PHACTR2: variants seen among roughly 807,000 people sequenced by gnomAD.
PHACTR2 encodes the protein chromosome 6 open reading frame 56.
PHACTR2 carries 30 observed loss-of-function variants against 76.0 expected under a neutral mutation model. That is an observed-to-expected ratio of 0.39 (90% CI 0.30 to 0.54). The LOEUF (loss-of-function observed/expected upper bound fraction) is 0.54, where lower values mean the gene tolerates loss of function less well. Among genes scored for constraint, PHACTR2 ranks in the 20% least tolerant of loss-of-function variants. The pLI is 0.61. For synonymous variants in PHACTR2, 292 were observed against 292.5 expected (o/e 1.00, Z 0.02); for missense variants, 696 against 781.1 (o/e 0.89, Z 1.30).
intron 1 of PHACTR2, among the ~76,000 whole-genome samples, chr6:143,577,399 C>G (rs555900065): frequency 7.8e-4 from 118 of 152,070 alleles, no homozygotes; most frequent in Non-Finnish European, 1.3e-3. Flanking sequence ...GAGAGAAGGA[C>G]CCTAGCAGTT....
intron 1 of PHACTR2, among the ~76,000 whole-genome samples, chr6:143,690,685 T>C (rs1777624082): frequency 6.6e-6 from 1 of 152,210 alleles, no homozygotes; most frequent in South Asian, 2.1e-4. Context: ...TTTTAACTGA[T>C]TTCAAAAGAC....
chr6:143,785,596 C>A (rs892106714), intron 10 of PHACTR2, among the ~76,000 whole-genome samples: 2 of 152,312 alleles, frequency 1.3e-5, no homozygotes, highest in East Asian at 1.9e-4. Flanking sequence ...GGGTTCCAAC[C>A]CCACATTTCC....
At position 143,595,727 on chromosome 6, in the gene PHACTR2, G is replaced by T. The variant is rs1005570920; in HGVS notation, c.217+58520G>T. Among the ~76,000 whole-genome samples, 1 of 152,138 alleles carries T rather than the reference G, an allele frequency of 6.6e-6. No homozygotes were observed. The highest frequency in any genetic ancestry group is 1.5e-5 in the Non-Finnish European group (1 of 68,020). On this transcript the variant is annotated intron_variant, in intron 1 of 11. Transcript: ENST00000367584. This position sits in a 1 kb window ranked among gnomAD's most constrained non-coding sequence, Gnocchi z 4.2. ...GAAGAGGACTAGAGGTGGTTTTGTT[G>T]TTGTTTTTAAAGAGAGAAAAAAGTG...
Position 143,578,642 on chromosome 6 carries a change from GGAT to G in PHACTR2, c.217+41438_217+41440del, listed in dbSNP as rs1353208450. Reference sequence around the variant, plus strand: ...GTGGAGGGCCTGGACAATGAGGAGAGGATGAGGAGGAGGAGGAGGAGGAAGGAG... The same window carrying G: ...GTGGAGGGCCTGGACAATGAGGAGAGGAGGAGGAGGAGGAGGAGGAAGGAG... On this transcript the variant is annotated intron_variant, in intron 1 of 11. Coordinates refer to the PHACTR2 transcript ENST00000367584. This position sits in a 1 kb window ranked among gnomAD's most constrained non-coding sequence, Gnocchi z 4.5. Among the ~76,000 whole-genome samples, 1 of 151,952 alleles carries G rather than the reference GGAT, an allele frequency of 6.6e-6. No individual in the cohort carries two copies. The highest frequency in any genetic ancestry group is 1.9e-4 in the East Asian group (1 of 5,162).
intron 2 of PHACTR2, among the ~76,000 whole-genome samples, chr6:143,747,779 CA>C (rs779201191): frequency 6.6e-6 from 1 of 152,186 alleles, no homozygotes; most frequent in Non-Finnish European, 1.5e-5. Flanking sequence ...TTCTGCAGAA[CA>C]CGCTTTGGGA....
Position 143,653,179 on chromosome 6 carries a change from C to T in PHACTR2, c.13+44857C>T, listed in dbSNP as rs1406595886. 3.9e-5 allele frequency among the ~76,000 whole-genome samples: 6 copies of T among 152,148 alleles called. No homozygotes were observed. Among genetic ancestry groups the T allele is most frequent in the Non-Finnish European group, 7.3e-5 (5 of 68,028 alleles). ...TTGGCCCTCTGGAAACAAGGCCAGT[C>T]GCAAGACACGTCAGGAAGCAATTTG... is the stretch of plus-strand genomic sequence containing the variant. On this transcript the variant is annotated intron_variant, in intron 1 of 11. Coordinates refer to the PHACTR2 transcript ENST00000305766. The surrounding 1 kb of genome is among the most constrained non-coding windows in gnomAD (Gnocchi z 4.9).
chr6:143,712,128 G>A lies in PHACTR2; in HGVS notation c.159G>A (p.Lys53=). The change falls in exon 2 of 13, where the codon AAG becomes AAA. Residue 53 remains lysine (K), a synonymous_variant. Coordinates refer to ENST00000440869, the MANE Select transcript of PHACTR2 (RefSeq NM_001100164.2). The part of the protein sequence containing the change: ...GKLSTIGKIF[K]PWKWRKKKTS... ...TATCCACCATTGGTAAAATCTTTAA[G>A]CCTTGGAAATGGAGGAAAAAGAAGA... 6.3e-7 allele frequency: 1 copy of A among 1,579,798 alleles called. No homozygotes were observed. Among genetic ancestry groups the A allele is most frequent in the Non-Finnish European group, 8.6e-7 (1 of 1,166,726 alleles).
rs1317705777 is a variant in PHACTR2 at position 143,764,191 on chromosome 6, A to G, written c.695-1070A>G. Among the ~76,000 whole-genome samples the G allele has an allele frequency of 6.6e-6, 1 of 152,160 alleles. No individual in the cohort carries two copies. Among genetic ancestry groups the G allele is most frequent in the African/African-American group, 2.4e-5 (1 of 41,436 alleles). On this transcript the variant is annotated intron_variant, in intron 5 of 12. Transcript: ENST00000440869. This position sits in a 1 kb window ranked among gnomAD's most constrained non-coding sequence, Gnocchi z 4.7. The stretch of plus-strand genomic sequence containing the variant: ...GAAGGTGGAGTCAGAAGACCTGAGA[A>G]TGATATCCTTTCCATTCACATTATT...
rs1582671599 is a variant in PHACTR2, at chr6:143,561,184, A to T, written c.217+23977A>T. ...GCACTGACCTTCTGACCTTGGCGGG[A>T]TGCTTGAACCATTCTGCCCTTTCAG... On this transcript the variant is annotated intron_variant, in intron 1 of 11. Transcript: ENST00000367584. This position sits in a 1 kb window ranked among gnomAD's most constrained non-coding sequence, Gnocchi z 4.1. The T allele has an allele frequency of 2.6e-5, 4 of 152,408 alleles. No individual in the cohort carries two copies. The highest frequency in any genetic ancestry group is 2.6e-4 in the Admixed American group (4 of 15,296). The allele number at this position is 152,408 out of a possible 1,614,324, so 9.4% of individuals were successfully genotyped here. A position where few individuals can be genotyped will look rare whatever the true frequency, so the allele number is the denominator to read the frequency against.
Position 143,765,796 on chromosome 6 carries a change from A to C in PHACTR2, c.1230A>C (p.Lys410Asn). ...TAAGTGTTAACAGAGAAAATGCAAA[A>C]TGGTGAGTTGGGGAACAAACCCCCT... ...TGLSVNRENA[K>N]CFTTKEELGK... is the part of the protein sequence containing the mutation. Residue 410 changes from lysine (K) to asparagine (N), a missense_variant and splice_region_variant, in exon 6 of 13, where the codon AAA becomes AAC. By Grantham distance (94) the Lys-to-Asn change is moderately conservative. Around this residue, in one of 2 missense-constraint regions of PHACTR2, gnomAD observed 236 missense variants for 330.2 expected, o/e 0.71. Coordinates refer to ENST00000440869, the MANE Select transcript of PHACTR2 (RefSeq NM_001100164.2). This position sits in a 1 kb window ranked among gnomAD's most constrained non-coding sequence, Gnocchi z 4.1. 6.2e-7 allele frequency: 1 copy of C among 1,605,020 alleles called. No individual in the cohort carries two copies. The highest frequency in any genetic ancestry group is 8.5e-7 in the Non-Finnish European group (1 of 1,172,746).
At position 143,550,482 on chromosome 6, in the gene PHACTR2, T is replaced by A. The variant is rs954655787; in HGVS notation, c.217+13275T>A. On this transcript the variant is annotated intron_variant, in intron 1 of 11. Transcript: ENST00000367584. This position sits in a 1 kb window ranked among gnomAD's most constrained non-coding sequence, Gnocchi z 4.8. The stretch of plus-strand genomic sequence containing the variant: ...CAAACCTTACTATATATTATCTATA[T>A]AGTAAATAATGGGCGGAGGGTGTCA... 6.6e-6 allele frequency among the ~76,000 whole-genome samples: 1 copy of A among 152,084 alleles called. No homozygotes were observed. Among genetic ancestry groups the A allele is most frequent in the Non-Finnish European group, 1.5e-5 (1 of 67,992 alleles).
intron 1 of PHACTR2, 82 bp from the exon 2 acceptor site, chr6:143,711,934 A>G (rs1157336992): frequency 8.2e-7 from 1 of 1,226,652 alleles, no homozygotes; most frequent in African/African-American, 1.5e-5. Flanking sequence ...CTTACCGTTA[A>G]CAGCCCAGGG....
rs1435169881 is a variant in PHACTR2 at position 143,743,675 on chromosome 6, T to A, written c.215-5310T>A. Among the ~76,000 whole-genome samples the A allele has an allele frequency of 1.3e-5, 2 of 152,252 alleles. No homozygotes were observed. The highest frequency in any genetic ancestry group is 4.8e-5 in the African/African-American group (2 of 41,472). On this transcript the variant is annotated intron_variant, in intron 2 of 12. Coordinates refer to ENST00000440869, the MANE Select transcript of PHACTR2 (RefSeq NM_001100164.2). The surrounding 1 kb of genome is among the most constrained non-coding windows in gnomAD (Gnocchi z 5.0). ...GAGGGGCAAAGCCGAGCCAGGCTCT[T>A]GTAGAACACTTTCAACACAAGACAA...
rs760682352 is a variant in PHACTR2 at position 143,621,476 on chromosome 6, G to A, written c.13+13154G>A. 2.0e-5 allele frequency among the ~76,000 whole-genome samples: 3 copies of A among 152,172 alleles called. No homozygotes were observed. The highest frequency in any genetic ancestry group is 4.4e-5 in the Non-Finnish European group (3 of 68,024). On this transcript the variant is annotated intron_variant, in intron 1 of 11. Coordinates refer to the PHACTR2 transcript ENST00000305766. The surrounding 1 kb of genome is among the most constrained non-coding windows in gnomAD (Gnocchi z 4.1). ...GGAAGCTCACCTGTCAAGCACCAAC[G>A]CTTTATTTTAATTGGTATTTTGCAT...
chr6:143,552,973 G>A (rs770913696), intron 1 of PHACTR2, among the ~76,000 whole-genome samples: 3 of 151,530 alleles, frequency 2.0e-5, no homozygotes, highest in African/African-American at 7.3e-5. Context: ...TAGGAAAACC[G>A]GCATGATCTC....
At chr6:143,785,495 T>C (rs1775534793) in intron 10 of PHACTR2, among the ~76,000 whole-genome samples, 1 of 152,210 alleles carries the variant, frequency 6.6e-6, no homozygotes, top group Non-Finnish European at 1.5e-5. Flanking sequence ...TGGTGCATGC[T>C]GTTGGTGGAT....
At chr6:143,673,328 A>AT (rs11357308), upstream of PHACTR2, among the ~76,000 whole-genome samples, 121 of 149,852 alleles carry the variant, frequency 8.1e-4, no homozygotes, top group South Asian at 0.012. Context: ...GTATTCCCAG[A>AT]TTTTTTTTTT....
In PHACTR2 at chr6:143,742,298, G is replaced by A. The variant is rs981034418; in HGVS notation, c.215-6687G>A. The stretch of plus-strand genomic sequence containing the variant: ...AGCTATCTCATTAAGAACCTGTCTC[G>A]CTCCCTCTTTTGAGTCTGTATTTCC... On this transcript the variant is annotated intron_variant, in intron 2 of 12. Coordinates refer to ENST00000440869, the MANE Select transcript of PHACTR2 (RefSeq NM_001100164.2). The surrounding 1 kb of genome is among the most constrained non-coding windows in gnomAD (Gnocchi z 4.5). 1.3e-5 allele frequency among the ~76,000 whole-genome samples: 2 copies of A among 152,060 alleles called. No individual in the cohort carries two copies. The highest frequency in any genetic ancestry group is 1.9e-4 in the East Asian group (1 of 5,184).
At chr6:143,740,508 T>TAAAAAAAAA (rs10638908) in intron 2 of PHACTR2, among the ~76,000 whole-genome samples, 3 of 128,690 alleles carry the variant, frequency 2.3e-5, no homozygotes, top group East Asian at 4.5e-4. Context: ...TCCTTTTAAT[T>TAAAAAAAAA]AAAAAAAAAA....
Sources: allele counts gnomAD v4.1 joint callset (sites outside exome capture counted in the v4.1 genomes callset), GRCh38; gene constraint gnomAD v4.1.1; regional missense constraint gnomAD v4.1.1; non-coding constraint Gnocchi (gnomAD v3.1); transcripts MANE v1.5; gene names NCBI Gene and HGNC (gene_info 2026-07-23, HGNC 2026-07-21).